Variants in UBE2G1 observed in about 807,000 individuals in gnomAD.
The protein encoded by UBE2G1 is ubiquitin conjugating enzyme E2 G1, also known as ubiquitin-conjugating enzyme E2 G1.
In UBE2G1, 5 loss-of-function variants were observed where a neutral mutation model predicts 22.7. The observed-to-expected ratio is 0.22, with a 90% CI of 0.12 to 0.46. UBE2G1 has a LOEUF of 0.46. Among genes scored for constraint, UBE2G1 ranks in the 20% least tolerant of loss-of-function variants. UBE2G1 has a pLI of 0.99. For synonymous variants in UBE2G1, 74 were observed against 67.5 expected, an observed-to-expected ratio of 1.10 and a Z score of -0.47; for missense variants, 88 against 203.9, an observed-to-expected ratio of 0.43 and a Z score of 3.46.
chr17:4,302,097 C>T, intron 2 of UBE2G1: 1 of 524,446 alleles, frequency 1.9e-6, no homozygotes. Context: ...CTCCTTACCC[C>T]TGTGGCTCAT....
chr17:4,317,264 C>T (rs1969386296), intron 1 of UBE2G1, among the ~76,000 whole-genome samples: 1 of 152,228 alleles, frequency 6.6e-6, no homozygotes, highest in East Asian at 1.9e-4. Context: ...GCAGGAGAAT[C>T]GCTTGAACCT....
At chr17:4,272,889 T>C (rs1022836874) in intron 5 of UBE2G1, among the ~76,000 whole-genome samples, 3 of 152,222 alleles carry the variant, frequency 2.0e-5, no homozygotes, top group Admixed American at 2.0e-4. Flanking sequence ...TTTCAACTTA[T>C]ATTAAATCTA....
intron 1 of UBE2G1, among the ~76,000 whole-genome samples, chr17:4,313,254 C>A (rs1178800280): frequency 6.6e-6 from 1 of 152,138 alleles, no homozygotes; most frequent in East Asian, 1.9e-4. Context: ...AATAATGCTA[C>A]ACAAAATACT....
intron 2 of UBE2G1, chr17:4,302,240 C>G: frequency 8.4e-6 from 4 of 474,940 alleles, no homozygotes; most frequent in Non-Finnish European, 1.7e-5. Context: ...ATGTCGTTAT[C>G]AGCTCCCACA....
Position 4,279,785 on chromosome 17 carries a change from TTATATATATATA to T in UBE2G1, c.*37+3001_*37+3012del, listed in dbSNP as rs71144177. On this transcript the variant is annotated intron_variant, in intron 5 of 5. Transcript: ENST00000396981. The stretch of plus-strand genomic sequence containing the variant: ...GCGAAACTCTGCCCCCAAAAAAAAG[TTATATATATATA>T]TATATATATATATATATATATATAT... 8.5e-3 allele frequency among the ~76,000 whole-genome samples: 585 copies of T among 68,878 alleles called. 29 individuals are homozygous for T. The highest frequency in any genetic ancestry group is 0.02 in the African/African-American group (473 of 23,118). The allele number at this position is 68,878 out of a possible 152,430, so 45.2% of individuals were successfully genotyped here. A position where few individuals can be genotyped will look rare whatever the true frequency, so the allele number is the denominator to read the frequency against.
At chr17:4,301,605 G>A in intron 2 of UBE2G1, 1 of 1,177,502 alleles carries the variant, frequency 8.5e-7, no homozygotes, top group Non-Finnish European at 1.3e-6. Flanking sequence ...AAAAGACCGA[G>A]TATTTGGAAT....
chr17:4,307,067 G>A lies in UBE2G1; in HGVS notation c.103C>T (p.Leu35Phe), dbSNP rs978808505. The change falls in exon 2 of 6, where the codon CTC (leucine) becomes TTC (phenylalanine). Residue 35 changes from leucine (L) to phenylalanine (F), a missense_variant. Leu to Phe is a conservative substitution (Grantham distance 22). Transcript: ENST00000396981. ...ATAATAAGGACTTCCCATCGGTAGA[G>A]ATCATTGTCATCTATTAAACCTGCA... ...FSAGLIDDND[L>F]YRWEVLIIGP... 1.2e-6 allele frequency: 2 copies of A among 1,614,088 alleles called. No homozygotes were observed. Among genetic ancestry groups the A allele is most frequent in the Non-Finnish European group, 1.7e-6 (2 of 1,179,968 alleles).
At chr17:4,294,441 G>GAAA (rs1348995208) in intron 3 of UBE2G1, among the ~76,000 whole-genome samples, 1 of 62,904 alleles carries the variant, frequency 1.6e-5, no homozygotes, top group African/African-American at 7.1e-5. Context: ...AAAAAAAAAA[G>GAAA]AAAGAAACGA....
intron 5 of UBE2G1, among the ~76,000 whole-genome samples, chr17:4,276,131 T>A (rs1255747187): frequency 6.6e-6 from 1 of 152,194 alleles, no homozygotes; most frequent in Non-Finnish European, 1.5e-5. Context: ...GCCCTACTTC[T>A]AACCTCTATC....
At chr17:4,277,889 C>A (rs886218083) in intron 5 of UBE2G1, among the ~76,000 whole-genome samples, 1 of 151,974 alleles carries the variant, frequency 6.6e-6, no homozygotes, top group Non-Finnish European at 1.5e-5. Flanking sequence ...TCTACAAAGC[C>A]GGCCTTGGGG....
intron 1 of UBE2G1, among the ~76,000 whole-genome samples, chr17:4,341,677 T>C (rs549108628): frequency 6.6e-6 from 1 of 152,178 alleles, no homozygotes; most frequent in Non-Finnish European, 1.5e-5. Flanking sequence ...ACTTTAAGAG[T>C]TGTCTTCATT....
In UBE2G1 at chr17:4,296,581, C is replaced by T. The variant is rs188987071; in HGVS notation, c.247+136G>A. On this transcript the variant is annotated intron_variant, in intron 3 of 5. Coordinates refer to ENST00000396981, the MANE Select transcript of UBE2G1 (RefSeq NM_003342.5). ...TCCTCCTTTTAAAGGTTTTAGTACACAGCCATGTGCACAATGAACAGTACA... is the reference window on the plus strand; with the variant it reads ...TCCTCCTTTTAAAGGTTTTAGTACATAGCCATGTGCACAATGAACAGTACA... 14 of 871,920 alleles carry T rather than the reference C, an allele frequency of 1.6e-5. No individual in the cohort carries two copies. In the Admixed American group the frequency reaches 2.3e-4, roughly 15 times the overall value. 54.0% of individuals were successfully genotyped at this position (871,920 alleles called of 1,614,324 possible).
intron 5 of UBE2G1, among the ~76,000 whole-genome samples, chr17:4,281,690 T>C (rs1968894430): frequency 6.6e-6 from 1 of 152,250 alleles, no homozygotes; most frequent in African/African-American, 2.4e-5. Flanking sequence ...AGATATTCAA[T>C]AACAATTTTC....
chr17:4,360,097 C>T (rs901801592), intron 1 of UBE2G1, among the ~76,000 whole-genome samples: 7 of 151,978 alleles, frequency 4.6e-5, no homozygotes, highest in African/African-American at 7.3e-5. Context: ...TGCTATTAAC[C>T]ATATAAAACT....
At chr17:4,363,784 C>T (rs1969995964) in intron 1 of UBE2G1, among the ~76,000 whole-genome samples, 1 of 151,366 alleles carries the variant, frequency 6.6e-6, no homozygotes, top group Non-Finnish European at 1.5e-5. Flanking sequence ...AACCCCGTCT[C>T]TACTGAAAAT....
At chr17:4,289,538 C>T in intron 3 of UBE2G1, 130 bp from the exon 4 acceptor site, 1 of 1,026,974 alleles carries the variant, frequency 9.7e-7, no homozygotes, top group Non-Finnish European at 1.3e-6. Flanking sequence ...AAGTTAATGT[C>T]CAAAATGCAA....
At position 4,327,579 on chromosome 17, in the gene UBE2G1, A is replaced by AC. The variant is rs527295461; in HGVS notation, c.47-20457dup. Among the ~76,000 whole-genome samples, 518 of 152,298 alleles carry AC rather than the reference A, an allele frequency of 3.4e-3. 3 individuals carry two copies. Among genetic ancestry groups the AC allele is most frequent in the African/African-American group, 0.012 (483 of 41,566 alleles). On this transcript the variant is annotated intron_variant, in intron 1 of 5. Transcript: ENST00000396981. Reference sequence around the variant, plus strand: ...TCAGGATAAAGAGGGATGAGGAGTTACCGGTTTGTGTGTTTGTTTATTAAG... The same window carrying AC: ...TCAGGATAAAGAGGGATGAGGAGTTACCCGGTTTGTGTGTTTGTTTATTAAG...
Position 4,290,620 on chromosome 17 carries a change from T to C in UBE2G1, c.248-1212A>G, listed in dbSNP as rs551712474. 2.7e-5 allele frequency among the ~76,000 whole-genome samples: 4 copies of C among 149,366 alleles called. No homozygotes were observed. The South Asian group carries it at 6.4e-4, about 24-fold the overall frequency. Reference sequence around the variant, plus strand: ...CCAAGTAGCTGGGACCATGGGCACATGGCATGATGCCTGGCTAACCTGACT... The same window carrying C: ...CCAAGTAGCTGGGACCATGGGCACACGGCATGATGCCTGGCTAACCTGACT... On this transcript the variant is annotated intron_variant, in intron 3 of 5. Coordinates refer to ENST00000396981, the MANE Select transcript of UBE2G1 (RefSeq NM_003342.5).
chr17:4,329,472 C>T (rs1384453849), intron 1 of UBE2G1, among the ~76,000 whole-genome samples: 2 of 150,268 alleles, frequency 1.3e-5, no homozygotes, highest in Non-Finnish European at 3.0e-5. Flanking sequence ...GCAGGAGGAT[C>T]GCTTGATCCC....
Sources: allele counts gnomAD v4.1 joint callset (sites outside exome capture counted in the v4.1 genomes callset), GRCh38; gene constraint gnomAD v4.1.1; transcripts MANE v1.5; gene names NCBI Gene and HGNC (gene_info 2026-07-23, HGNC 2026-07-21).